SMAP1: variants seen among roughly 807,000 people sequenced by gnomAD.
SMAP1 encodes the protein stromal membrane-associated protein 1.
Under a neutral mutation model 58.5 loss-of-function variants are expected in SMAP1, and 24 were observed. That is an observed-to-expected ratio of 0.41 (90% CI 0.30 to 0.58). The LOEUF is 0.58. SMAP1 is among the 20% of genes least tolerant of loss of function. SMAP1 has a pLI of 0.29. For synonymous variants in SMAP1, 216 were observed against 196.6 expected (o/e 1.10, Z -0.82); for missense variants, 563 against 566.3 (o/e 0.99, Z 0.06).
At chr6:70,839,443 C>T (rs1001472543) in intron 7 of SMAP1, among the ~76,000 whole-genome samples, 2 of 152,170 alleles carry the variant, frequency 1.3e-5, no homozygotes, top group Non-Finnish European at 2.9e-5. Context: ...CAGTGGCTTA[C>T]ATCAACTAAC....
chr6:70,770,938 C>T (rs1562148151), intron 3 of SMAP1, among the ~76,000 whole-genome samples: 1 of 152,076 alleles, frequency 6.6e-6, no homozygotes, highest in Non-Finnish European at 1.5e-5. Flanking sequence ...GTGTGGATGT[C>T]CTTTCTGTTT....
At chr6:70,743,315 G>T (rs1356038265) in intron 2 of SMAP1, among the ~76,000 whole-genome samples, 1 of 152,014 alleles carries the variant, frequency 6.6e-6, no homozygotes, top group Non-Finnish European at 1.5e-5. Flanking sequence ...TAGTTTTGTT[G>T]TAACTATCAT....
intron 2 of SMAP1, among the ~76,000 whole-genome samples, chr6:70,741,079 C>A (rs141678085): frequency 0.014 from 2,073 of 152,234 alleles, 16 homozygotes; most frequent in Non-Finnish European, 0.023. Context: ...ATGAAATTTG[C>A]GTGGGGACAC....
intron 6 of SMAP1, among the ~76,000 whole-genome samples, chr6:70,827,407 A>G (rs908927661): frequency 1.3e-5 from 2 of 152,170 alleles, no homozygotes; most frequent in African/African-American, 4.8e-5. Flanking sequence ...TGAATTTTAG[A>G]TGACCAAAGG....
chr6:70,672,093 T>C (rs188306911), intron 1 of SMAP1, among the ~76,000 whole-genome samples: 190 of 152,366 alleles, frequency 1.2e-3, no homozygotes, highest in Admixed American at 3.5e-3. Context: ...GAAGACACAC[T>C]GTTAGATATT....
intron 1 of SMAP1, among the ~76,000 whole-genome samples, chr6:70,730,696 T>C (rs1393004058): frequency 6.6e-6 from 1 of 152,246 alleles, no homozygotes; most frequent in Non-Finnish European, 1.5e-5. Context: ...TTAATTTTAC[T>C]ATATTGTACT....
At position 70,749,312 on chromosome 6, in the gene SMAP1, A is replaced by G. The variant is rs530943271; in HGVS notation, c.253-5668A>G. ...TCACCTCCCACCAAGTCCCTTCCCAACACCTGACGTGTGGGTATTACGAGA... is the reference window on the plus strand; with the variant it reads ...TCACCTCCCACCAAGTCCCTTCCCAGCACCTGACGTGTGGGTATTACGAGA... On this transcript the variant is annotated intron_variant, in intron 2 of 10. Transcript: ENST00000370455. Among the ~76,000 whole-genome samples, 4 of 152,254 alleles carry G rather than the reference A, an allele frequency of 2.6e-5. No homozygotes were observed. The East Asian group carries it at 5.8e-4, about 22-fold the overall frequency.
chr6:70,733,745 G>A (rs934905000), intron 2 of SMAP1, among the ~76,000 whole-genome samples: 1 of 152,172 alleles, frequency 6.6e-6, no homozygotes, highest in East Asian at 1.9e-4. Context: ...TTTGTAATGG[G>A]TTATGGAGGT....
chr6:70,754,946 T>G, intron 2 of SMAP1, 34 bp from the exon 3 acceptor site: 1 of 1,396,426 alleles, frequency 7.2e-7, no homozygotes, highest in Non-Finnish European at 1.0e-6. Flanking sequence ...TTTTAATGTT[T>G]ATGTGAGTAA....
intron 6 of SMAP1, among the ~76,000 whole-genome samples, chr6:70,831,780 CCCAATGATA>C (rs1159090248): frequency 2.0e-5 from 3 of 152,116 alleles, no homozygotes; most frequent in Admixed American, 2.0e-4. Context: ...TGGGCATATA[CCCAATGATA>C]GGATTGTTGG....
At chr6:70,778,065 A>G (rs1401052985) in intron 4 of SMAP1, among the ~76,000 whole-genome samples, 1 of 151,992 alleles carries the variant, frequency 6.6e-6, no homozygotes, top group Non-Finnish European at 1.5e-5. Flanking sequence ...TCTTTAATCT[A>G]TTTTTAATAA....
Position 70,811,593 on chromosome 6 carries a change from T to C in SMAP1, c.576+12856T>C, listed in dbSNP as rs556134216. On this transcript the variant is annotated intron_variant, in intron 6 of 10. Coordinates refer to ENST00000370455, the MANE Select transcript of SMAP1 (RefSeq NM_001044305.3). ...CTGCTGACACACACACACACACACA[T>C]ACCAAAATCTGTGGATATTCAAGTC... Among the ~76,000 whole-genome samples, 351 of 141,378 alleles carry C rather than the reference T, an allele frequency of 2.5e-3. 3 individuals carry two copies. Among genetic ancestry groups the C allele is most frequent in the African/African-American group, 7.0e-3 (271 of 38,770 alleles). The allele number at this position is 141,378 out of a possible 152,430, so 92.7% of individuals were successfully genotyped here. A position where few individuals can be genotyped will look rare whatever the true frequency, so the allele number is the denominator to read the frequency against.
intron 6 of SMAP1, among the ~76,000 whole-genome samples, chr6:70,823,785 A>G (rs1355025864): frequency 6.6e-6 from 1 of 151,238 alleles, no homozygotes; most frequent in Non-Finnish European, 1.5e-5. Context: ...TTGGATATTT[A>G]TAATCTGTGG....
intron 1 of SMAP1, among the ~76,000 whole-genome samples, chr6:70,708,106 A>AC (rs1040910541): frequency 6.6e-6 from 1 of 151,426 alleles, no homozygotes; most frequent in Non-Finnish European, 1.5e-5. Flanking sequence ...GTACCCTTTG[A>AC]CCTCCCTCTT....
chr6:70,854,527 CAGG>C (rs1261395071), intron 8 of SMAP1, among the ~76,000 whole-genome samples: 2 of 151,824 alleles, frequency 1.3e-5, no homozygotes, highest in Non-Finnish European at 1.5e-5. Context: ...GAGGCTGAGG[CAGG>C]AGAATTGCTT....
intron 1 of SMAP1, among the ~76,000 whole-genome samples, chr6:70,672,697 G>A (rs952670246): frequency 1.3e-5 from 2 of 152,114 alleles, no homozygotes; most frequent in Non-Finnish European, 2.9e-5. Flanking sequence ...GTGAATGAAT[G>A]AGCACAGAGC....
chr6:70,859,004 C>T (rs1771570587), intron 10 of SMAP1: 1 of 187,772 alleles, frequency 5.3e-6, no homozygotes, highest in Admixed American at 5.9e-5. Flanking sequence ...CATGCTCCCA[C>T]TCTTCTTCCT....
chr6:70,758,204 G>A (rs536000883), intron 3 of SMAP1, among the ~76,000 whole-genome samples: 15 of 151,842 alleles, frequency 9.9e-5, no homozygotes, highest in South Asian at 4.2e-4. Flanking sequence ...AAAATGATGC[G>A]TTCATGTCCT....
chr6:70,846,218 G>A (rs961011542), intron 7 of SMAP1, among the ~76,000 whole-genome samples: 2 of 145,120 alleles, frequency 1.4e-5, no homozygotes, highest in African/African-American at 4.9e-5. Context: ...CACAAAAGTA[G>A]GATCACCTGA....
Sources: gnomAD v4.1 joint callset for allele counts (sites outside exome capture counted in the v4.1 genomes callset) on GRCh38, gnomAD v4.1.1 for gene constraint, MANE v1.5 for transcripts, NCBI Gene and HGNC (gene_info 2026-07-23, HGNC 2026-07-21) for gene names.